ATXN10: variants seen among roughly 807,000 people sequenced by gnomAD.
ATXN10 encodes the protein ataxin 10.
Under a neutral mutation model 52.9 loss-of-function variants are expected in ATXN10, and 28 were observed. That is an observed-to-expected ratio of 0.53 (90% CI 0.39 to 0.73). ATXN10 has a LOEUF of 0.73. Among genes scored for constraint, ATXN10 ranks in the 30% least tolerant of loss-of-function variants. The pLI is 0.00. For synonymous variants in ATXN10, 226 were observed against 221.5 expected (o/e 1.02, Z -0.18); for missense variants, 565 against 577.0 (o/e 0.98, Z 0.21).
chr22:45,737,471 A>T (rs1015201048), intron 7 of ATXN10, among the ~76,000 whole-genome samples: 9 of 152,292 alleles, frequency 5.9e-5, no homozygotes, highest in African/African-American at 2.2e-4. Context: ...CTAGACTTCT[A>T]ATCTAGATTT....
At chr22:45,782,419 C>T (rs1927179824) in intron 9 of ATXN10, among the ~76,000 whole-genome samples, 2 of 152,166 alleles carry the variant, frequency 1.3e-5, no homozygotes, top group Non-Finnish European at 2.9e-5. Flanking sequence ...AAGTGTCTAT[C>T]ACTAATCGAG....
intron 9 of ATXN10, among the ~76,000 whole-genome samples, chr22:45,746,847 G>A (rs910335480): frequency 6.6e-6 from 1 of 152,196 alleles, no homozygotes; most frequent in Admixed American, 6.5e-5. Context: ...GTTATGGGTT[G>A]TTGATTCTGA....
intron 7 of ATXN10, among the ~76,000 whole-genome samples, chr22:45,731,391 G>T (rs1213808597): frequency 6.6e-6 from 1 of 152,252 alleles, no homozygotes. Context: ...ATAGTAGAAT[G>T]TGGCACTTAG....
rs1423438353 is a variant in ATXN10 at position 45,702,653 on chromosome 22, A to G, written c.489-36A>G. The G allele has an allele frequency of 3.1e-6, 5 of 1,611,012 alleles. No homozygotes were observed. The South Asian group carries it at 3.3e-5, about 11-fold the overall frequency. On this transcript the variant is annotated intron_variant, in intron 4 of 11. Transcript: ENST00000252934. ...TATTTTTGTGTTTTATCATGTTACT[A>G]AATTGGGCTAACAATCTCATTTCCT...
intron 10 of ATXN10, among the ~76,000 whole-genome samples, chr22:45,831,763 A>G (rs1928999300): frequency 6.6e-6 from 1 of 152,130 alleles, no homozygotes; most frequent in African/African-American, 2.4e-5. Flanking sequence ...ACTTTTCTGT[A>G]CTATCGTTTG....
chr22:45,705,146 T>A lies in ATXN10; in HGVS notation c.647+2299T>A, dbSNP rs1381389846. On this transcript the variant is annotated intron_variant, in intron 5 of 11. Transcript: ENST00000252934. The surrounding 1 kb of genome is among the most constrained non-coding windows in gnomAD (Gnocchi z 5.2). ...CATAGTGTATAATCCTTTTTATATG[T>A]TGCTGGATTCGGTTCATATTTTGTT... Among the ~76,000 whole-genome samples, 2 of 152,220 alleles carry A rather than the reference T, an allele frequency of 1.3e-5. No individual in the cohort carries two copies. The highest frequency in any genetic ancestry group is 2.9e-5 in the Non-Finnish European group (2 of 68,028).
chr22:45,830,321 A>G (rs1008606672), intron 10 of ATXN10, among the ~76,000 whole-genome samples: 5 of 152,278 alleles, frequency 3.3e-5, no homozygotes, highest in African/African-American at 1.2e-4. Flanking sequence ...CCAAAGGCAC[A>G]GACAGCAAAA....
intron 5 of ATXN10, among the ~76,000 whole-genome samples, chr22:45,716,966 C>A (rs952921870): frequency 1.6e-4 from 25 of 152,084 alleles, no homozygotes; most frequent in Admixed American, 1.0e-3. Context: ...CTCTGAAGAC[C>A]CACGCTTTTG....
intron 9 of ATXN10, among the ~76,000 whole-genome samples, chr22:45,745,794 G>A (rs898802653): frequency 6.6e-6 from 1 of 152,124 alleles, no homozygotes; most frequent in Non-Finnish European, 1.5e-5. Context: ...TAAATTGAAT[G>A]TTGAATGTTT....
rs1569068094 is a variant in ATXN10, at chr22:45,795,406, TTC to T, written c.1174-11551_1174-11550del. 1.1e-3 allele frequency among the ~76,000 whole-genome samples: 158 copies of T among 150,264 alleles called. No homozygotes were observed. The highest frequency in any genetic ancestry group is 1.3e-3 in the African/African-American group (52 of 40,118). Reference sequence around the variant, plus strand: ...TTCTATTCTATTCTATTCTATTCTATTCTATTCTATTCTATTCTTTTTGAGAT... The same window carrying T: ...TTCTATTCTATTCTATTCTATTCTATTATTCTATTCTATTCTTTTTGAGAT... On this transcript the variant is annotated intron_variant, in intron 9 of 11. Coordinates refer to ENST00000252934, the MANE Select transcript of ATXN10 (RefSeq NM_013236.4). The surrounding 1 kb of genome is among the most constrained non-coding windows in gnomAD (Gnocchi z 4.6).
chr22:45,713,686 A>G (rs1204665106), intron 5 of ATXN10, among the ~76,000 whole-genome samples: 2 of 152,194 alleles, frequency 1.3e-5, no homozygotes, highest in Non-Finnish European at 2.9e-5. Context: ...TATGTGGTTC[A>G]GATATCAAAA....
chr22:45,697,667 T>C (rs1923667141), intron 3 of ATXN10, among the ~76,000 whole-genome samples: 1 of 152,192 alleles, frequency 6.6e-6, no homozygotes, highest in Admixed American at 6.5e-5. Flanking sequence ...AGTCTCGCTG[T>C]CGCCCAGGCT....
intron 10 of ATXN10, among the ~76,000 whole-genome samples, chr22:45,834,560 T>C (rs533869809): frequency 1.3e-5 from 2 of 152,372 alleles, no homozygotes; most frequent in South Asian, 4.1e-4. Flanking sequence ...GCTGACATTG[T>C]ATCGTGGCTG....
At chr22:45,723,822 G>C (rs998264509) in intron 6 of ATXN10, among the ~76,000 whole-genome samples, 9 of 152,040 alleles carry the variant, frequency 5.9e-5, no homozygotes, top group Non-Finnish European at 2.9e-5. Context: ...CAGGCGTGGT[G>C]GCGCTTGCCT....
At chr22:45,817,268 G>A (rs941350265) in intron 10 of ATXN10, among the ~76,000 whole-genome samples, 6 of 143,222 alleles carry the variant, frequency 4.2e-5, no homozygotes, top group African/African-American at 1.5e-4. Context: ...CATTAGTGCT[G>A]TTTTGCTTTT....
rs1439895496 is a variant in ATXN10 at position 45,688,658 on chromosome 22, T to G, written c.117-1054T>G. 6.6e-6 allele frequency among the ~76,000 whole-genome samples: 1 copy of G among 152,194 alleles called. No homozygotes were observed. The highest frequency in any genetic ancestry group is 1.9e-4 in the East Asian group (1 of 5,190). ...TGAGCAGCTCTGTAACCTGGGCAGC[T>G]CAGTGTCCAGAGTTCTGAATGAACA... On this transcript the variant is annotated intron_variant, in intron 1 of 11. Transcript: ENST00000252934. The surrounding 1 kb of genome is among the most constrained non-coding windows in gnomAD (Gnocchi z 4.0).
chr22:45,726,323 T>C (rs906733318), intron 6 of ATXN10, among the ~76,000 whole-genome samples: 3 of 152,192 alleles, frequency 2.0e-5, no homozygotes, highest in Non-Finnish European at 4.4e-5. Context: ...TTTTTGTTAT[T>C]GATTCAATCT....
chr22:45,700,458 C>A, intron 4 of ATXN10, 80 bp downstream of exon 4: 1 of 1,164,134 alleles, frequency 8.6e-7, no homozygotes, highest in Non-Finnish European at 1.3e-6. Flanking sequence ...AGTTCGAAAA[C>A]AGGAAAAAGT....
rs187539211 is a variant in ATXN10 at position 45,772,164 on chromosome 22, G to T, written c.1173+31626G>T. 6.6e-6 allele frequency among the ~76,000 whole-genome samples: 1 copy of T among 152,080 alleles called. No homozygotes were observed. Among genetic ancestry groups the T allele is most frequent in the Admixed American group, 6.6e-5 (1 of 15,264 alleles). On this transcript the variant is annotated intron_variant, in intron 9 of 11. Coordinates refer to ENST00000252934, the MANE Select transcript of ATXN10 (RefSeq NM_013236.4). The surrounding 1 kb of genome is among the most constrained non-coding windows in gnomAD (Gnocchi z 4.1). ...CTCTGTCCCTAATTCAGAATCACAA[G>T]AATTTTCTCATAGTTTTTCTTCCTA... is the stretch of plus-strand genomic sequence containing the variant.
Sources: allele counts gnomAD v4.1 joint callset (sites outside exome capture counted in the v4.1 genomes callset), GRCh38; gene constraint gnomAD v4.1.1; non-coding constraint Gnocchi (gnomAD v3.1); transcripts MANE v1.5; gene names NCBI Gene and HGNC (gene_info 2026-07-23, HGNC 2026-07-21).